The following DIAPH3 variants were observed in gnomAD, a reference collection of about 807,000 sequenced individuals.
DIAPH3 encodes diaphanous related formin 3.
A neutral mutation model predicts 144.3 loss-of-function variants in DIAPH3; 117 were observed. That is an observed-to-expected ratio of 0.81 (90% CI 0.70 to 0.95). The LOEUF (loss-of-function observed/expected upper bound fraction) is 0.95, where lower values mean the gene tolerates loss of function less well. Ranked by LOEUF, DIAPH3 falls within the 40% of genes least tolerant of loss-of-function variation. The pLI is 0.00. For missense variants in DIAPH3, 1,421 were observed against 1,412.7 expected (o/e 1.01, Z -0.09); for synonymous variants, 519 against 488.9 (o/e 1.06, Z -0.81).
intron 4 of DIAPH3, among the ~76,000 whole-genome samples, chr13:60,081,941 T>C (rs539602341): frequency 2.0e-5 from 3 of 151,832 alleles, no homozygotes; most frequent in African/African-American, 7.3e-5. Flanking sequence ...GGATCCTACA[T>C]TGAAGAGAAA....
chr13:60,143,879 CAGTCAGATGGACG>C (rs1166078145), intron 1 of DIAPH3, among the ~76,000 whole-genome samples: 2 of 152,176 alleles, frequency 1.3e-5, no homozygotes, highest in Non-Finnish European at 2.9e-5. Context: ...AGGAGACTCA[CAGTCAGATGGACG>C]AATCAGATGT....
At chr13:59,813,216 T>G (rs766825029) in intron 24 of DIAPH3, among the ~76,000 whole-genome samples, 19 of 152,018 alleles carry the variant, frequency 1.2e-4, no homozygotes, top group Non-Finnish European at 2.5e-4. Context: ...TGACCCCACA[T>G]CCATGAAATG....
rs776765070 is a variant in DIAPH3, at chr13:60,163,789, C to T, written c.-23G>A. 3.2e-6 allele frequency: 5 copies of T among 1,551,216 alleles called. No homozygotes were observed. Among genetic ancestry groups the T allele is most frequent in the African/African-American group, 1.4e-5 (1 of 73,460 alleles). On this transcript the variant is annotated 5_prime_UTR_variant, in exon 1 of 28. Transcript: ENST00000400324. ...CATCTTTCCCCGCAGCTCCGGGGAC[C>T]GGAAAGAAGGTGGCCACTCAGCAAG...
At chr13:60,052,977 A>AAAAG in intron 4 of DIAPH3, among the ~76,000 whole-genome samples, 2 of 147,798 alleles carry the variant, frequency 1.4e-5, no homozygotes, top group African/African-American at 5.0e-5. Context: ...AAAAAAAAAA[A>AAAAG]AAAGAAATAA....
At chr13:59,871,926 G>T (rs538874184) in intron 21 of DIAPH3, among the ~76,000 whole-genome samples, 1 of 152,280 alleles carries the variant, frequency 6.6e-6, no homozygotes, top group Non-Finnish European at 1.5e-5. Context: ...CATAGGATCA[G>T]TAACGATAGT....
intron 24 of DIAPH3, among the ~76,000 whole-genome samples, chr13:59,817,702 A>AT (rs908774952): frequency 1.7e-4 from 25 of 151,288 alleles, no homozygotes; most frequent in East Asian, 5.8e-4. Context: ...ATTTTTCCTG[A>AT]TTTTTTTTGG....
intron 20 of DIAPH3, among the ~76,000 whole-genome samples, chr13:59,887,352 A>G (rs2045519649): frequency 6.6e-6 from 1 of 152,054 alleles, no homozygotes; most frequent in African/African-American, 2.4e-5. Flanking sequence ...ATATGATATT[A>G]GTTTCTAGTT....
At chr13:59,828,281 A>G (rs1196291066) in intron 24 of DIAPH3, among the ~76,000 whole-genome samples, 1 of 152,004 alleles carries the variant, frequency 6.6e-6, no homozygotes, top group African/African-American at 2.4e-5. Flanking sequence ...ATAGTCCTCT[A>G]ATTTTAAAAG....
chr13:60,119,478 T>G (rs2058780685), intron 2 of DIAPH3, among the ~76,000 whole-genome samples: 1 of 152,086 alleles, frequency 6.6e-6, no homozygotes. Flanking sequence ...CCGGGCGCGG[T>G]GGCTCACGCC....
intron 1 of DIAPH3, among the ~76,000 whole-genome samples, chr13:60,140,842 GCA>G (rs1387533258): frequency 7.2e-6 from 1 of 138,134 alleles, no homozygotes; most frequent in East Asian, 2.1e-4. Context: ...ATAAATATGT[GCA>G]CAGACTTTTT....
chr13:60,084,815 CA>C (rs1287019563), intron 4 of DIAPH3, among the ~76,000 whole-genome samples: 2 of 151,980 alleles, frequency 1.3e-5, no homozygotes, highest in African/African-American at 4.8e-5. Context: ...GAGGCTATAC[CA>C]ACCATATTTA....
intron 25 of DIAPH3, among the ~76,000 whole-genome samples, chr13:59,785,972 C>T (rs1054085583): frequency 6.6e-6 from 1 of 152,122 alleles, no homozygotes; most frequent in South Asian, 2.1e-4. Flanking sequence ...CCATCTTATA[C>T]TTAGGAGTAC....
chr13:60,069,574 T>C (rs2057117607), intron 4 of DIAPH3, among the ~76,000 whole-genome samples: 1 of 152,162 alleles, frequency 6.6e-6, no homozygotes, highest in Non-Finnish European at 1.5e-5. Context: ...AAAATAGTGT[T>C]TCCTAGGTTT....
chr13:59,926,385 G>C (rs2048714475), intron 17 of DIAPH3, among the ~76,000 whole-genome samples: 1 of 151,958 alleles, frequency 6.6e-6, no homozygotes, highest in Non-Finnish European at 1.5e-5. Flanking sequence ...TGTTTTCCTA[G>C]TTCCTTGAAA....
chr13:60,024,940 G>A (rs1264042523), intron 5 of DIAPH3, among the ~76,000 whole-genome samples: 5 of 152,088 alleles, frequency 3.3e-5, no homozygotes, highest in African/African-American at 9.7e-5. Context: ...AGGGGGATGT[G>A]GACGTCTGTT....
At chr13:59,764,416 A>C (rs1398950493) in intron 27 of DIAPH3, among the ~76,000 whole-genome samples, 1 of 151,536 alleles carries the variant, frequency 6.6e-6, no homozygotes, top group Non-Finnish European at 1.5e-5. Flanking sequence ...GAGCCCTCAG[A>C]GTCCTGGGAG....
At chr13:60,002,796 A>C (rs1285473792) in intron 9 of DIAPH3, among the ~76,000 whole-genome samples, 3 of 152,170 alleles carry the variant, frequency 2.0e-5, no homozygotes, top group Non-Finnish European at 4.4e-5. Context: ...CCTTCCAAAA[A>C]TATATCACAA....
chr13:59,892,962 T>C (rs1480852043), intron 20 of DIAPH3, among the ~76,000 whole-genome samples: 1 of 152,138 alleles, frequency 6.6e-6, no homozygotes, highest in Non-Finnish European at 1.5e-5. Context: ...GAAGTGGCTA[T>C]ATTAAGATAA....
chr13:60,136,728 G>A (rs561566673), intron 1 of DIAPH3, among the ~76,000 whole-genome samples: 2 of 152,050 alleles, frequency 1.3e-5, no homozygotes, highest in East Asian at 1.9e-4. Flanking sequence ...GAGGTCAGGA[G>A]ATCGAGACCA....
Sources: gnomAD v4.1 joint callset for allele counts (sites outside exome capture counted in the v4.1 genomes callset) on GRCh38, gnomAD v4.1.1 for gene constraint, MANE v1.5 for transcripts, NCBI Gene and HGNC (gene_info 2026-07-23, HGNC 2026-07-21) for gene names.